KCNIP4: variants seen among roughly 807,000 people sequenced by gnomAD.
KCNIP4 encodes the protein potassium voltage-gated channel interacting protein 4.
KCNIP4 carries 12 observed loss-of-function variants against 34.0 expected under a neutral mutation model. That is an observed-to-expected ratio of 0.35 (90% CI 0.23 to 0.57). KCNIP4 has a LOEUF of 0.57. Among genes scored for constraint, KCNIP4 ranks in the 20% least tolerant of loss-of-function variants. The pLI is 0.83. For synonymous variants in KCNIP4, 124 were observed against 102.2 expected, an observed-to-expected ratio of 1.21 and a Z score of -1.29; for missense variants, 238 against 311.7, an observed-to-expected ratio of 0.76 and a Z score of 1.78.
Position 21,199,474 on chromosome 4 carries a change from T to C in KCNIP4, c.62-316765A>G, listed in dbSNP as rs191214620. Among the ~76,000 whole-genome samples the C allele has an allele frequency of 3.0e-3, 458 of 152,354 alleles. 5 individuals are homozygous for C. The highest frequency in any genetic ancestry group is 0.01 in the Middle Eastern group (3 of 294). ...TTGTAGATTCTGGATATTAGCCCTT[T>C]GTCAGATCAGTAGATTGTGAAAATT... On this transcript the variant is annotated intron_variant, in intron 1 of 8. Transcript: ENST00000382152.
At chr4:21,465,192 C>T (rs981231559) in intron 1 of KCNIP4, among the ~76,000 whole-genome samples, 19 of 152,096 alleles carry the variant, frequency 1.2e-4, no homozygotes, top group Admixed American at 3.3e-4. Flanking sequence ...GAGTTGAATG[C>T]CTACTGTAAG....
intron 1 of KCNIP4, chr4:20,983,887 T>C (rs1055618507): frequency 2.0e-6 from 3 of 1,536,188 alleles, no homozygotes; most frequent in Non-Finnish European, 2.6e-6. Context: ...CAATACCCAC[T>C]GTTTGCAGTC....
chr4:21,651,184 A>T (rs1011785851), intron 1 of KCNIP4, among the ~76,000 whole-genome samples: 1 of 152,170 alleles, frequency 6.6e-6, no homozygotes, highest in Non-Finnish European at 1.5e-5. Context: ...TCTTTCTCAC[A>T]GTCAAAGGGA....
At chr4:20,824,150 T>C (rs1052670565) in intron 3 of KCNIP4, among the ~76,000 whole-genome samples, 1 of 152,218 alleles carries the variant, frequency 6.6e-6, no homozygotes, top group Non-Finnish European at 1.5e-5. Flanking sequence ...ATGCACTTTA[T>C]GTGATGTGCC....
chr4:21,000,192 T>G (rs12504474), intron 1 of KCNIP4, among the ~76,000 whole-genome samples: 31,855 of 152,008 alleles, frequency 0.21, 3,516 homozygotes, highest in South Asian at 0.31. Flanking sequence ...GCAAAAAATT[T>G]GGCTAATTCT....
intron 1 of KCNIP4, among the ~76,000 whole-genome samples, chr4:21,504,478 AGAAAGAAAG>A (rs1389120283): frequency 9.6e-5 from 11 of 114,010 alleles, no homozygotes; most frequent in African/African-American, 3.3e-4. Flanking sequence ...AAAAAAAAAA[AGAAAGAAAG>A]AAAGAAAGAA....
chr4:21,187,597 G>A (rs552178075), intron 1 of KCNIP4, among the ~76,000 whole-genome samples: 2 of 152,298 alleles, frequency 1.3e-5, no homozygotes, highest in East Asian at 3.9e-4. Flanking sequence ...TGAATGGGCA[G>A]AGGAGAATTC....
chr4:21,279,037 A>G (rs1028605637), intron 1 of KCNIP4, among the ~76,000 whole-genome samples: 2 of 152,192 alleles, frequency 1.3e-5, no homozygotes, highest in Non-Finnish European at 2.9e-5. Context: ...CTCATGTTCC[A>G]TATGTGGAAG....
Position 21,485,037 on chromosome 4 carries a change from G to C in KCNIP4, c.61+463534C>G, listed in dbSNP as rs16871156. 6.8e-3 allele frequency among the ~76,000 whole-genome samples: 1,039 copies of C among 152,210 alleles called. 48 individuals carry two copies. The East Asian group carries it at 0.12, about 17-fold the overall frequency. ...TATTGATTTTCTTTGCTCCCATTTG[G>C]TGATATTGTTAAACTTTTACTGGAG... On this transcript the variant is annotated intron_variant, in intron 1 of 8. Transcript: ENST00000382152.
intron 1 of KCNIP4, among the ~76,000 whole-genome samples, chr4:21,486,402 C>A (rs1239869194): frequency 6.6e-6 from 1 of 152,038 alleles, no homozygotes; most frequent in Non-Finnish European, 1.5e-5. Flanking sequence ...ATGTGAGATA[C>A]CCTGAACCTA....
At chr4:21,189,213 GAATT>G (rs1755457886) in intron 1 of KCNIP4, among the ~76,000 whole-genome samples, 2 of 152,268 alleles carry the variant, frequency 1.3e-5, no homozygotes, top group African/African-American at 4.8e-5. Flanking sequence ...GATACATGTA[GAATT>G]AATTATTTAA....
At chr4:21,261,408 A>G (rs769946844) in intron 1 of KCNIP4, among the ~76,000 whole-genome samples, 4 of 152,192 alleles carry the variant, frequency 2.6e-5, no homozygotes, top group Non-Finnish European at 5.9e-5. Context: ...CTACAAGTTA[A>G]GAGTCAGATT....
chr4:21,892,155 C>A (rs1490812147), intron 1 of KCNIP4, among the ~76,000 whole-genome samples: 4 of 151,982 alleles, frequency 2.6e-5, no homozygotes, highest in Admixed American at 2.6e-4. Flanking sequence ...TCCACCAATA[C>A]TAGAATAAAT....
At chr4:21,654,768 C>T (rs1456375648) in intron 1 of KCNIP4, among the ~76,000 whole-genome samples, 1 of 151,850 alleles carries the variant, frequency 6.6e-6, no homozygotes, top group Non-Finnish European at 1.5e-5. Flanking sequence ...CTAAAAAATA[C>T]AAAAAATTAG....
intron 1 of KCNIP4, among the ~76,000 whole-genome samples, chr4:21,377,283 G>A (rs537903422): frequency 1.1e-4 from 16 of 152,232 alleles, no homozygotes; most frequent in African/African-American, 3.6e-4. Flanking sequence ...TGATTCAAAT[G>A]GTCTCTCCTG....
At chr4:21,703,349 C>A (rs1713014822) in intron 1 of KCNIP4, among the ~76,000 whole-genome samples, 1 of 151,834 alleles carries the variant, frequency 6.6e-6, no homozygotes, top group Non-Finnish European at 1.5e-5. Flanking sequence ...CATACAAAAC[C>A]CAAAGAATCT....
At chr4:20,856,431 C>T (rs1002960932) in intron 2 of KCNIP4, among the ~76,000 whole-genome samples, 8 of 152,102 alleles carry the variant, frequency 5.3e-5, no homozygotes, top group African/African-American at 1.9e-4. Flanking sequence ...ATTGGTGACC[C>T]CCTGGTCATC....
intron 3 of KCNIP4, among the ~76,000 whole-genome samples, chr4:20,801,377 A>C (rs1024729282): frequency 6.6e-6 from 1 of 152,126 alleles, no homozygotes; most frequent in African/African-American, 2.4e-5. Flanking sequence ...AAGAAAATGC[A>C]TAGTCAAGTT....
At chr4:21,922,630 G>T (rs1728998660) in intron 1 of KCNIP4, among the ~76,000 whole-genome samples, 1 of 151,974 alleles carries the variant, frequency 6.6e-6, no homozygotes, top group Non-Finnish European at 1.5e-5. Flanking sequence ...ATTATCTAGT[G>T]GTACAGAATG....
Sources: allele counts gnomAD v4.1 joint callset (sites outside exome capture counted in the v4.1 genomes callset), GRCh38; gene constraint gnomAD v4.1.1; transcripts MANE v1.5; gene names NCBI Gene and HGNC (gene_info 2026-07-23, HGNC 2026-07-21).